Variants in IGSF21 observed in about 807,000 individuals in gnomAD.
The protein encoded by IGSF21 is immunoglobin superfamily member 21.
A neutral mutation model predicts 46.8 loss-of-function variants in IGSF21; 28 were observed. That is an observed-to-expected ratio of 0.60 (90% CI 0.44 to 0.82). IGSF21 has a LOEUF of 0.82. Among genes scored for constraint, IGSF21 ranks in the 40% least tolerant of loss-of-function variants. IGSF21 has a pLI of 0.00. For synonymous variants in IGSF21, 284 were observed against 273.6 expected, an observed-to-expected ratio of 1.04 and a Z score of -0.38; for missense variants, 624 against 665.5, an observed-to-expected ratio of 0.94 and a Z score of 0.69.
intron 2 of IGSF21, among the ~76,000 whole-genome samples, chr1:18,280,668 CTAGAGG>C (rs1469031526): frequency 6.6e-6 from 1 of 152,042 alleles, no homozygotes; most frequent in Non-Finnish European, 1.5e-5. Context: ...TGACTTGAAC[CTAGAGG>C]TCTGACTCCA....
chr1:18,321,399 C>T (rs1012129780), intron 3 of IGSF21, among the ~76,000 whole-genome samples: 8 of 152,230 alleles, frequency 5.3e-5, no homozygotes, highest in Admixed American at 3.3e-4. Context: ...GCCTCGGCCT[C>T]TCTGTGTGCT....
At chr1:18,376,769 T>TG in intron 7 of IGSF21, 31 bp from the exon 8 acceptor site, 1 of 1,554,934 alleles carries the variant, frequency 6.4e-7, no homozygotes, top group Non-Finnish European at 8.7e-7. Flanking sequence ...GGCCCTCCTG[T>TG]GACCCACCTC....
chr1:18,288,749 C>A (rs966201050), intron 2 of IGSF21, among the ~76,000 whole-genome samples: 5 of 152,224 alleles, frequency 3.3e-5, no homozygotes, highest in Non-Finnish European at 7.3e-5. Context: ...TTCCGAGAGG[C>A]TGAGGGAGGA....
At chr1:18,146,888 CA>C (rs1042462689) in intron 1 of IGSF21, among the ~76,000 whole-genome samples, 1 of 152,190 alleles carries the variant, frequency 6.6e-6, no homozygotes, top group African/African-American at 2.4e-5. Context: ...CAAGGTCACA[CA>C]GCTGGTTAAT....
At chr1:18,127,967 CTATT>C (rs1487863279) in intron 1 of IGSF21, among the ~76,000 whole-genome samples, 8 of 152,140 alleles carry the variant, frequency 5.3e-5, no homozygotes, top group East Asian at 1.9e-4. Flanking sequence ...ACATCCATAA[CTATT>C]TAATTCACGG....
At chr1:18,139,233 C>A (rs544799909) in intron 1 of IGSF21, among the ~76,000 whole-genome samples, 2 of 152,318 alleles carry the variant, frequency 1.3e-5, no homozygotes, top group Admixed American at 1.3e-4. Context: ...TCACTCTTCC[C>A]TTCCCACTGG....
chr1:18,184,780 C>T (rs1320373046), intron 1 of IGSF21, among the ~76,000 whole-genome samples: 2 of 152,146 alleles, frequency 1.3e-5, no homozygotes, highest in East Asian at 3.9e-4. Flanking sequence ...ACCAGTTATC[C>T]CTTATATGGA....
chr1:18,234,881 A>G (rs2084659064), intron 2 of IGSF21, among the ~76,000 whole-genome samples: 1 of 152,150 alleles, frequency 6.6e-6, no homozygotes, highest in Non-Finnish European at 1.5e-5. Flanking sequence ...ACAGCTGTTA[A>G]GTTGTAACCA....
At chr1:18,340,897 TCTTCTC>T (rs543659757) in intron 4 of IGSF21, among the ~76,000 whole-genome samples, 247 of 152,040 alleles carry the variant, frequency 1.6e-3, no homozygotes, top group Admixed American at 5.7e-3. Flanking sequence ...TGCTTCTGCT[TCTTCTC>T]CTTCTCCTTC....
At chr1:18,307,572 G>A (rs1305255069) in intron 3 of IGSF21, among the ~76,000 whole-genome samples, 3 of 152,226 alleles carry the variant, frequency 2.0e-5, no homozygotes, top group African/African-American at 7.2e-5. Context: ...AAACCCGCCT[G>A]CTGGGTGAAA....
At chr1:18,377,858 C>T (rs890086545) in intron 9 of IGSF21, among the ~76,000 whole-genome samples, 8 of 152,308 alleles carry the variant, frequency 5.3e-5, no homozygotes, top group African/African-American at 9.6e-5. Context: ...GGAGCATCAA[C>T]GGATGTCTCA....
chr1:18,121,450 C>G (rs1220036581), intron 1 of IGSF21, among the ~76,000 whole-genome samples: 1 of 151,940 alleles, frequency 6.6e-6, no homozygotes, highest in Non-Finnish European at 1.5e-5. Context: ...TCTCATCTAC[C>G]TGACTGTTGA....
chr1:18,332,313 C>T (rs2085721403), intron 3 of IGSF21, among the ~76,000 whole-genome samples: 1 of 152,174 alleles, frequency 6.6e-6, no homozygotes, highest in South Asian at 2.1e-4. Context: ...CACATGTCTC[C>T]TGAGCCTGTT....
At chr1:18,224,071 G>A (rs2084537669) in intron 1 of IGSF21, among the ~76,000 whole-genome samples, 2 of 152,176 alleles carry the variant, frequency 1.3e-5, no homozygotes, top group South Asian at 4.1e-4. Context: ...CTAGCCAGGT[G>A]CACAGGGGGT....
chr1:18,125,060 A>AAGAGGAGG (rs939596993), intron 1 of IGSF21, among the ~76,000 whole-genome samples: 5 of 152,090 alleles, frequency 3.3e-5, no homozygotes, highest in African/African-American at 1.2e-4. Flanking sequence ...TTCTGGGAAG[A>AAGAGGAGG]AGAGGAGGAT....
Position 18,108,207 on chromosome 1 carries a change from G to C in IGSF21, c.70+9G>C, listed in dbSNP as rs1014165541. On this transcript the variant is annotated intron_variant, in intron 1 of 9. Coordinates refer to ENST00000251296, the MANE Select transcript of IGSF21 (RefSeq NM_032880.5). ...CCTGGACCTGGCGCGCGGTGAGTGC[G>C]CGGGCGCCTGGCGGGAGCCGAGCGG... 47 of 1,386,206 alleles carry C rather than the reference G, an allele frequency of 3.4e-5. No homozygotes were observed. The highest frequency in any genetic ancestry group is 2.6e-4 in the Middle Eastern group (1 of 3,820). The allele number at this position is 1,386,206 out of a possible 1,614,324, so 85.9% of individuals were successfully genotyped here. A position where few individuals can be genotyped will look rare whatever the true frequency, so the allele number is the denominator to read the frequency against.
intron 2 of IGSF21, among the ~76,000 whole-genome samples, chr1:18,231,581 C>A (rs771329064): frequency 7.2e-5 from 11 of 152,156 alleles, no homozygotes; most frequent in Non-Finnish European, 1.6e-4. Context: ...ATGGTAGCCA[C>A]CAGTCACACG....
chr1:18,208,395 A>ATATATT (rs369367032), intron 1 of IGSF21, among the ~76,000 whole-genome samples: 20 of 123,758 alleles, frequency 1.6e-4, no homozygotes, highest in Admixed American at 4.1e-4. Flanking sequence ...ATATATATAT[A>ATATATT]TTTTTTGAGA....
At chr1:18,120,850 T>C (rs2086228561) in intron 1 of IGSF21, among the ~76,000 whole-genome samples, 1 of 152,188 alleles carries the variant, frequency 6.6e-6, no homozygotes, top group South Asian at 2.1e-4. Context: ...AGGCTGGTAT[T>C]GACCTTTGCA....
Sources: allele counts gnomAD v4.1 joint callset (sites outside exome capture counted in the v4.1 genomes callset), GRCh38; gene constraint gnomAD v4.1.1; transcripts MANE v1.5; gene names NCBI Gene and HGNC (gene_info 2026-07-23, HGNC 2026-07-21).